The following RANBP2 variants were observed in gnomAD, a reference collection of about 807,000 sequenced individuals.
RANBP2 encodes RAN binding protein 2.
A neutral mutation model predicts 303.6 loss-of-function variants in RANBP2; 57 were observed. The observed-to-expected ratio is 0.19, with a 90% CI of 0.15 to 0.23. The LOEUF (loss-of-function observed/expected upper bound fraction) is 0.23, where lower values mean the gene tolerates loss of function less well. Among genes scored for constraint, RANBP2 ranks in the 10% least tolerant of loss-of-function variants. The pLI is 1.00. For missense variants in RANBP2, 3,138 were observed against 3,780.8 expected (o/e 0.83, Z 4.46); for synonymous variants, 1,167 against 1,301.5 (o/e 0.90, Z 2.23).
At chr2:109,594,590 C>G in the RANBP2 span, 1 of 152,214 alleles carries the variant, frequency 6.6e-6, no homozygotes, top group South Asian at 2.1e-4. Context: ...TATCGACGCT[C>G]TTCATTGAGA....
chr2:109,687,963 G>T, the RANBP2 span, among the ~76,000 whole-genome samples: 1 of 152,074 alleles, frequency 6.6e-6, no homozygotes, highest in Non-Finnish European at 1.5e-5. Context: ...CCCAGGCTGG[G>T]TCAGGAGATT....
At chr2:109,004,132 T>C in the RANBP2 span, among the ~76,000 whole-genome samples, 1 of 152,262 alleles carries the variant, frequency 6.6e-6, no homozygotes, top group South Asian at 2.1e-4. Context: ...AAAATCATTT[T>C]GGCAATAAGG....
chr2:108,763,985 C>T lies in RANBP2; in HGVS notation c.3446C>T (p.Thr1149Ile). ...GTATTTGGAACACCCACTTTAGAGA[C>T]AGCAAACAAGAATCATGAGACAGAT... ...KSVFGTPTLE[T>I]ANKNHETDGG... Residue 1149 changes from threonine (T) to isoleucine (I), a missense_variant, in exon 20 of 29, where the codon ACA (threonine) becomes ATA (isoleucine). Transcript: ENST00000283195. The T allele has an allele frequency of 1.2e-6, 2 of 1,613,884 alleles. No homozygotes were observed. Among genetic ancestry groups the T allele is most frequent in the East Asian group, 2.2e-5 (1 of 44,880 alleles).
chr2:109,455,944 C>T, the RANBP2 span, among the ~76,000 whole-genome samples: 2 of 152,346 alleles, frequency 1.3e-5, no homozygotes, highest in South Asian at 4.1e-4. Context: ...GATCTGACCT[C>T]ACCCAGAACT....
the RANBP2 span, among the ~76,000 whole-genome samples, chr2:108,911,857 C>T: frequency 6.6e-6 from 1 of 152,222 alleles, no homozygotes; most frequent in Non-Finnish European, 1.5e-5. Flanking sequence ...TGAGCCTCCC[C>T]TGTGGGTGCA....
chr2:109,233,663 A>G, the RANBP2 span, among the ~76,000 whole-genome samples: 26 of 152,322 alleles, frequency 1.7e-4, no homozygotes, highest in East Asian at 1.3e-3. Flanking sequence ...TCCTGTTCGT[A>G]TCACCACCAC....
intron 7 of RANBP2, among the ~76,000 whole-genome samples, chr2:108,745,132 A>G (rs1696411989): frequency 6.7e-6 from 1 of 148,234 alleles, no homozygotes; most frequent in South Asian, 2.1e-4. Flanking sequence ...TTTTTTTTTT[A>G]ATGCTACTTC....
the RANBP2 span, among the ~76,000 whole-genome samples, chr2:108,869,451 G>T: frequency 6.6e-6 from 1 of 152,274 alleles, no homozygotes; most frequent in South Asian, 2.1e-4. Context: ...TTTCAGACTT[G>T]CCTCGTTCAG....
chr2:109,423,290 A>G, the RANBP2 span, among the ~76,000 whole-genome samples: 5 of 152,244 alleles, frequency 3.3e-5, no homozygotes, highest in South Asian at 4.2e-4. Flanking sequence ...GGGTCCCTGG[A>G]TCTGGTGGTT....
chr2:108,770,577 C>T (rs943639234), intron 20 of RANBP2, among the ~76,000 whole-genome samples: 5 of 152,156 alleles, frequency 3.3e-5, no homozygotes, highest in African/African-American at 9.7e-5. Context: ...ACTGTGATCA[C>T]ATCACTGCAC....
the RANBP2 span, among the ~76,000 whole-genome samples, chr2:109,467,044 G>A: frequency 6.6e-6 from 1 of 152,242 alleles, no homozygotes; most frequent in Non-Finnish European, 1.5e-5. Flanking sequence ...CTCCTGCTCT[G>A]CTGGTGGAAA....
chr2:109,347,576 A>G, the RANBP2 span: 1 of 1,484,456 alleles, frequency 6.7e-7, no homozygotes, highest in Non-Finnish European at 9.0e-7. Context: ...CCCAGGACAC[A>G]GAAAGCCCCT....
chr2:109,135,182 C>T, the RANBP2 span, among the ~76,000 whole-genome samples: 2 of 152,184 alleles, frequency 1.3e-5, no homozygotes, highest in Non-Finnish European at 2.9e-5. Flanking sequence ...GGTGAGCAAA[C>T]GGTGACCCAG....
the RANBP2 span, among the ~76,000 whole-genome samples, chr2:109,196,382 T>C: frequency 3.6e-3 from 548 of 152,294 alleles, 2 homozygotes; most frequent in Non-Finnish European, 5.6e-3. Flanking sequence ...CACTGGTCCT[T>C]CTATCATTTA....
the RANBP2 span, among the ~76,000 whole-genome samples, chr2:109,430,637 T>TGGAAA: frequency 6.6e-6 from 1 of 152,236 alleles, no homozygotes; most frequent in African/African-American, 2.4e-5. Flanking sequence ...TGCAGTTGTT[T>TGGAAA]GTCATTTTCA....
At chr2:109,062,985 G>C in the RANBP2 span, among the ~76,000 whole-genome samples, 1 of 152,276 alleles carries the variant, frequency 6.6e-6, no homozygotes, top group African/African-American at 2.4e-5. Flanking sequence ...AGAAGAGCCA[G>C]GGCCTACGGC....
chr2:109,486,765 G>A, the RANBP2 span, among the ~76,000 whole-genome samples: 1 of 152,182 alleles, frequency 6.6e-6, no homozygotes, highest in African/African-American at 2.4e-5. Context: ...AGGGCACTGG[G>A]TGGTGGGGAG....
the RANBP2 span, chr2:109,615,716 C>A: frequency 6.2e-7 from 1 of 1,613,690 alleles, no homozygotes; most frequent in Non-Finnish European, 8.5e-7. Flanking sequence ...CGGGTAGCGG[C>A]GGCGGGCGCT....
At chr2:109,567,686 T>C in the RANBP2 span, 7 of 938,644 alleles carry the variant, frequency 7.5e-6, no homozygotes, top group Admixed American at 1.7e-4. Context: ...ACTGGACTTT[T>C]TGAAAATTCA....
Sources: gnomAD v4.1 joint callset for allele counts (sites outside exome capture counted in the v4.1 genomes callset) on GRCh38, gnomAD v4.1.1 for gene constraint, MANE v1.5 for transcripts, NCBI Gene and HGNC (gene_info 2026-07-23, HGNC 2026-07-21) for gene names.